Variants in GALM observed in about 807,000 individuals in gnomAD.
GALM encodes the protein galactose mutarotase, also known as aldose 1-epimerase.
A neutral mutation model predicts 37.4 loss-of-function variants in GALM; 43 were observed. That is an observed-to-expected ratio of 1.15 (90% CI 0.90 to 1.48). The LOEUF (loss-of-function observed/expected upper bound fraction) is 1.48. GALM is among the 40% of genes most tolerant of loss of function. The probability of loss-of-function intolerance (pLI) is 0.00; values close to 1 mark genes in which losing one functional copy is unlikely to be tolerated. For missense variants in GALM, 456 were observed against 419.1 expected (o/e 1.09, Z -0.77); for synonymous variants, 199 against 170.6 (o/e 1.17, Z -1.30).
At chr2:38,676,774 A>AAATAAAT in intron 2 of GALM, among the ~76,000 whole-genome samples, 1 of 152,142 alleles carries the variant, frequency 6.6e-6, no homozygotes, top group South Asian at 2.1e-4. Flanking sequence ...AAAAAATAAA[A>AAATAAAT]AATAAATAAT....
intron 4 of GALM, among the ~76,000 whole-genome samples, chr2:38,704,372 A>AAAATATT (rs1665993358): frequency 6.6e-6 from 1 of 151,982 alleles, no homozygotes. Context: ...GCTAATTTAA[A>AAAATATT]AAATATTTTT....
At chr2:38,730,920 CAAA>C (rs35932426) in intron 5 of GALM, among the ~76,000 whole-genome samples, 1 of 124,512 alleles carries the variant, frequency 8.0e-6, no homozygotes, top group Non-Finnish European at 1.7e-5. Context: ...AACTCCATCT[CAAA>C]AAAAAAAAAA....
chr2:38,719,090 A>G (rs1423919848), intron 4 of GALM, among the ~76,000 whole-genome samples: 1 of 151,878 alleles, frequency 6.6e-6, no homozygotes, highest in African/African-American at 2.4e-5. Flanking sequence ...CCTGTGCTAC[A>G]GCTGCACTTT....
intron 3 of GALM, 37 bp from the exon 4 acceptor site, chr2:38,689,776 C>T: frequency 8.3e-7 from 1 of 1,203,374 alleles, no homozygotes; most frequent in Non-Finnish European, 1.2e-6. Context: ...TGAAATAAGA[C>T]TAAGCAGAAA....
chr2:38,720,424 A>T (rs1257057561), intron 4 of GALM, among the ~76,000 whole-genome samples: 1 of 150,238 alleles, frequency 6.7e-6, no homozygotes, highest in African/African-American at 2.4e-5. Context: ...TAAAAAAAAA[A>T]AAAAAAAAAA....
At chr2:38,689,379 GA>G (rs1665616877) in intron 3 of GALM, among the ~76,000 whole-genome samples, 1 of 152,202 alleles carries the variant, frequency 6.6e-6, no homozygotes, top group Non-Finnish European at 1.5e-5. Flanking sequence ...AACTGGGCTA[GA>G]GGGGGGTGCC....
chr2:38,671,843 G>C (rs538891072), intron 1 of GALM, among the ~76,000 whole-genome samples: 36 of 152,024 alleles, frequency 2.4e-4, no homozygotes, highest in Middle Eastern at 3.4e-3. Flanking sequence ...AATACAAAAA[G>C]TATCCAGGTG....
chr2:38,680,022 T>C (rs1415814624), intron 2 of GALM: 3 of 455,292 alleles, frequency 6.6e-6, no homozygotes, highest in South Asian at 4.7e-5. Context: ...TATTTATTTA[T>C]TTACTTTTTT....
intron 4 of GALM, among the ~76,000 whole-genome samples, chr2:38,719,253 C>T (rs894507104): frequency 9.2e-5 from 14 of 151,602 alleles, no homozygotes; most frequent in East Asian, 3.9e-4. Context: ...GGGTGGATCA[C>T]GAGGTCAGGA....
At chr2:38,698,494 G>A (rs1176884634) in intron 4 of GALM, 5 of 853,310 alleles carry the variant, frequency 5.9e-6, no homozygotes, top group Non-Finnish European at 8.1e-6. Context: ...CGTCTTCAGA[G>A]CAATTATTCT....
At chr2:38,704,675 TAA>T (rs533221498) in intron 4 of GALM, among the ~76,000 whole-genome samples, 10 of 140,274 alleles carry the variant, frequency 7.1e-5, no homozygotes, top group Admixed American at 7.2e-5. Flanking sequence ...CTGTCTCCAT[TAA>T]AAAAAAAAAA....
chr2:38,715,917 G>A (rs1239621642), intron 4 of GALM, among the ~76,000 whole-genome samples: 1 of 152,196 alleles, frequency 6.6e-6, no homozygotes, highest in Non-Finnish European at 1.5e-5. Context: ...CCATTTTACA[G>A]ATGAGGTAAC....
chr2:38,685,311 C>T lies in GALM; in HGVS notation c.552+3825C>T, dbSNP rs542824317. The stretch of plus-strand genomic sequence containing the variant: ...ATATCTGGTCTAGCATAGGATAAAT[C>T]AACAAGCCTAGTTTCTGCCTGGGGG... On this transcript the variant is annotated intron_variant, in intron 3 of 6. Coordinates refer to ENST00000272252, the MANE Select transcript of GALM (RefSeq NM_138801.3). Among the ~76,000 whole-genome samples, 37 of 152,288 alleles carry T rather than the reference C, an allele frequency of 2.4e-4. 1 individual carries two copies. The highest frequency in any genetic ancestry group is 1.8e-4 in the Non-Finnish European group (12 of 68,028).
intron 4 of GALM, among the ~76,000 whole-genome samples, chr2:38,696,672 A>G (rs1272764553): frequency 3.5e-5 from 5 of 143,918 alleles, no homozygotes; most frequent in African/African-American, 5.2e-5. Context: ...ATGTCTCACT[A>G]TGTTGCCCAG....
At chr2:38,695,771 G>A (rs943978410) in intron 4 of GALM, among the ~76,000 whole-genome samples, 2 of 151,536 alleles carry the variant, frequency 1.3e-5, no homozygotes, top group African/African-American at 4.9e-5. Flanking sequence ...TCAGCTCTCT[G>A]CAGCAACCTC....
chr2:38,691,722 T>C (rs1665677203), intron 4 of GALM, among the ~76,000 whole-genome samples: 1 of 138,066 alleles, frequency 7.2e-6, no homozygotes, highest in Non-Finnish European at 1.6e-5. Flanking sequence ...TATATTTCAG[T>C]AGTTTTTTTT....
At chr2:38,731,410 AAAAAAAAAAG>A (rs1206511226) in intron 5 of GALM, among the ~76,000 whole-genome samples, 1 of 123,924 alleles carries the variant, frequency 8.1e-6, no homozygotes, top group African/African-American at 2.8e-5. Context: ...AAAAAAAAAA[AAAAAAAAAAG>A]AATCTCAGCC....
intron 4 of GALM, among the ~76,000 whole-genome samples, chr2:38,700,872 T>C (rs1452067081): frequency 6.6e-6 from 1 of 152,248 alleles, no homozygotes; most frequent in Non-Finnish European, 1.5e-5. Flanking sequence ...TTCTTTTCTC[T>C]TTCTCCTTTG....
chr2:38,706,879 G>C (rs1666044624), intron 4 of GALM, among the ~76,000 whole-genome samples: 1 of 149,718 alleles, frequency 6.7e-6, no homozygotes, highest in Non-Finnish European at 1.5e-5. Flanking sequence ...AAAAAAAGGG[G>C]GGCGGGGGGG....
Sources: gnomAD v4.1 joint callset for allele counts (sites outside exome capture counted in the v4.1 genomes callset) on GRCh38, gnomAD v4.1.1 for gene constraint, MANE v1.5 for transcripts, NCBI Gene and HGNC (gene_info 2026-07-23, HGNC 2026-07-21) for gene names.